Variants in SLC6A5 observed in about 807,000 individuals in gnomAD.
SLC6A5 encodes solute carrier family 6 member 5.
A neutral mutation model predicts 90.5 loss-of-function variants in SLC6A5; 58 were observed. That is an observed-to-expected ratio of 0.64 (90% CI 0.52 to 0.80). The LOEUF (loss-of-function observed/expected upper bound fraction) is 0.80, where lower values mean the gene tolerates loss of function less well. Among genes scored for constraint, SLC6A5 ranks in the 30% least tolerant of loss-of-function variants. SLC6A5 has a pLI of 0.00. For synonymous variants in SLC6A5, 427 were observed against 401.4 expected (o/e 1.06, Z -0.76); for missense variants, 1,015 against 1,017.6 (o/e 1.00, Z 0.03).
intron 3 of SLC6A5, 21 bp downstream of exon 3, chr11:20,604,445 C>T (rs1158075573): frequency 1.2e-6 from 2 of 1,611,682 alleles, no homozygotes. Flanking sequence ...TCCGCTCTTT[C>T]CGCCTGCGGC....
chr11:20,626,627 C>G, intron 7 of SLC6A5, 81 bp from the exon 8 acceptor site: 1 of 1,492,738 alleles, frequency 6.7e-7, no homozygotes, highest in South Asian at 1.1e-5. Context: ...CAGCCCCACT[C>G]TTCCCCGAGC....
chr11:20,636,526 G>C lies in SLC6A5; in HGVS notation c.1737+107G>C. ...GAGAGGGGTAGGCTTACGGGTGTCT[G>C]AATGTTTCTCCCGAGAGATCTAGAG... On this transcript the variant is annotated intron_variant, in intron 11 of 15. Coordinates refer to ENST00000525748, the MANE Select transcript of SLC6A5 (RefSeq NM_004211.5). The C allele has an allele frequency of 9.3e-6, 7 of 751,704 alleles. No homozygotes were observed. In the South Asian group the frequency reaches 1.0e-4, roughly 11 times the overall value. 46.6% of individuals were successfully genotyped at this position (751,704 alleles called of 1,614,324 possible). A position where few individuals can be genotyped will look rare whatever the true frequency, so the allele number is the denominator to read the frequency against.
intron 13 of SLC6A5, among the ~76,000 whole-genome samples, chr11:20,640,736 G>A (rs1426006934): frequency 1.3e-5 from 2 of 151,824 alleles, no homozygotes; most frequent in Admixed American, 6.6e-5. Flanking sequence ...GCACAAATCT[G>A]TAATTTATAT....
intron 1 of SLC6A5, 78 bp downstream of exon 1, chr11:20,599,753 T>C: frequency 1.9e-6 from 3 of 1,556,106 alleles, no homozygotes; most frequent in South Asian, 1.1e-5. Flanking sequence ...TGGCTATTTC[T>C]TTTGGAGATG....
chr11:20,614,577 T>C (rs1565275669), intron 5 of SLC6A5, 102 bp from the exon 6 acceptor site: 9 of 1,094,680 alleles, frequency 8.2e-6, no homozygotes, highest in Admixed American at 5.1e-5. Context: ...CTCCAATATT[T>C]GCAAATGTTT....
chr11:20,648,417 C>T (rs1391630299), intron 14 of SLC6A5, among the ~76,000 whole-genome samples: 5 of 152,132 alleles, frequency 3.3e-5, no homozygotes, highest in Admixed American at 6.5e-5. Flanking sequence ...TCTCCCTCTG[C>T]GTTGACATGA....
Position 20,636,355 on chromosome 11 carries a change from C to T in SLC6A5, c.1673C>T (p.Pro558Leu). Residue 558 changes from proline to leucine, a missense_variant, in exon 11 of 16, where the codon CCT becomes CTT. This residue lies in a region of SLC6A5 where 442 missense variants were observed against 494.3 expected (regional missense o/e 0.89). Coordinates refer to ENST00000525748, the MANE Select transcript of SLC6A5 (RefSeq NM_004211.5). ...VVYPEALTRLPLSPFWAIIFF... is the reference protein window; with the variant it reads ...VVYPEALTRLLLSPFWAIIFF... Reference sequence around the variant, plus strand: ...TACCCGGAAGCCTTAACCAGGCTGCCTCTCTCTCCGTTCTGGGCCATCATC... The same window carrying T: ...TACCCGGAAGCCTTAACCAGGCTGCTTCTCTCTCCGTTCTGGGCCATCATC... The T allele has an allele frequency of 1.2e-6, 2 of 1,613,944 alleles. No homozygotes were observed. The highest frequency in any genetic ancestry group is 1.7e-6 in the Non-Finnish European group (2 of 1,179,848).
chr11:20,604,144 G>T (rs1852529393), intron 2 of SLC6A5, 142 bp from the exon 3 acceptor site: 2 of 988,992 alleles, frequency 2.0e-6, no homozygotes, highest in South Asian at 3.3e-5. Context: ...TTTAGATTTG[G>T]GGTCCTGCTT....
rs1852435416 is a variant in SLC6A5, at chr11:20,600,335, G to GAAGAAGAAGAA, written c.3+660_3+661insAAGAAGAAGAA. Among the ~76,000 whole-genome samples the GAAGAAGAAGAA allele has an allele frequency of 1.6e-4, 14 of 87,944 alleles. 1 individual carries two copies. In the East Asian group the frequency reaches 3.0e-3, roughly 19 times the overall value. 57.7% of individuals were successfully genotyped at this position (87,944 alleles called of 152,430 possible). A position where few individuals can be genotyped will look rare whatever the true frequency, so the allele number is the denominator to read the frequency against. On this transcript the variant is annotated intron_variant, in intron 1 of 15. Transcript: ENST00000525748. ...AATAGTTACGCAAAAAAGAAGAAGAGGAAGAAGAAGAAGAAGAAGAAGAAG... is the reference window on the plus strand; with the variant it reads ...AATAGTTACGCAAAAAAGAAGAAGAGAAGAAGAAGAAGAAGAAGAAGAAGAAGAAGAAGAAG...
intron 6 of SLC6A5, among the ~76,000 whole-genome samples, chr11:20,616,922 C>T (rs1025743301): frequency 1.3e-5 from 2 of 152,202 alleles, no homozygotes; most frequent in Non-Finnish European, 2.9e-5. Flanking sequence ...TCCTTTAGAT[C>T]ACAGAAAAAC....
intron 5 of SLC6A5, among the ~76,000 whole-genome samples, chr11:20,613,324 T>C (rs917972406): frequency 2.6e-5 from 4 of 152,252 alleles, no homozygotes; most frequent in African/African-American, 7.2e-5. Context: ...TAAGTTGTTG[T>C]TGTTATTGTT....
chr11:20,614,855 A>C (rs1852756652), intron 6 of SLC6A5, 35 bp downstream of exon 6: 1 of 1,572,076 alleles, frequency 6.4e-7, no homozygotes, highest in East Asian at 2.2e-5. Context: ...TTTACCTTCT[A>C]AGAGAAACAC....
Position 20,636,356 on chromosome 11 carries a change from T to G in SLC6A5, c.1674T>G (p.Pro558=). The G allele has an allele frequency of 6.2e-7, 1 of 1,613,894 alleles. No individual in the cohort carries two copies. The highest frequency in any genetic ancestry group is 8.5e-7 in the Non-Finnish European group (1 of 1,179,770). The stretch of plus-strand genomic sequence containing the variant: ...ACCCGGAAGCCTTAACCAGGCTGCC[T>G]CTCTCTCCGTTCTGGGCCATCATCT... ...VVYPEALTRL[P]LSPFWAIIFF... Residue 558 remains proline, a synonymous_variant, in exon 11 of 16, where the codon CCT becomes CCG. Transcript: ENST00000525748.
At position 20,647,434 on chromosome 11, in the gene SLC6A5, ATTATATATATATCAGTTCCTATATATAT is replaced by A. The variant is rs1199542716; in HGVS notation, c.2070+529_2070+556del. ...TAGGAATTCCTATTATATAGTTCCT[ATTATATATATATCAGTTCCTATATATAT>A]TTATATATATATCAGTTCCTATATA... On this transcript the variant is annotated intron_variant, in intron 14 of 15. Coordinates refer to ENST00000525748, the MANE Select transcript of SLC6A5 (RefSeq NM_004211.5). 7.5e-4 allele frequency among the ~76,000 whole-genome samples: 94 copies of A among 125,222 alleles called. 1 individual carries two copies. The highest frequency in any genetic ancestry group is 2.3e-3 in the African/African-American group (73 of 31,554). The allele number at this position is 125,222 out of a possible 152,430, so 82.2% of individuals were successfully genotyped here. A position where few individuals can be genotyped will look rare whatever the true frequency, so the allele number is the denominator to read the frequency against.
intron 14 of SLC6A5, among the ~76,000 whole-genome samples, chr11:20,648,036 G>T (rs547748228): frequency 5.9e-5 from 9 of 152,254 alleles, no homozygotes; most frequent in African/African-American, 2.2e-4. Context: ...GCTATAAGCT[G>T]CCAGCTTTGC....
At chr11:20,613,652 CTTTT>C (rs3045403) in intron 5 of SLC6A5, among the ~76,000 whole-genome samples, 7,787 of 126,308 alleles carry the variant, frequency 0.062, 279 homozygotes, top group Non-Finnish European at 0.091. Context: ...CTAAATAATT[CTTTT>C]TTTTTTTTTT....
chr11:20,616,047 T>C (rs1852778140), intron 6 of SLC6A5, among the ~76,000 whole-genome samples: 1 of 152,196 alleles, frequency 6.6e-6, no homozygotes, highest in East Asian at 1.9e-4. Context: ...GGGGATCAAA[T>C]AAAATGCATA....
Position 20,607,034 on chromosome 11 carries a change from T to C in SLC6A5, c.707T>C (p.Met236Thr), listed in dbSNP as rs1239763622. Residue 236 changes from methionine to threonine, a missense_variant, in exon 4 of 16, where the codon ATG (methionine) becomes ACG (threonine). This residue lies in a region of SLC6A5 where 567 missense variants were observed against 507.3 expected (regional missense o/e 1.12). Transcript: ENST00000525748. ...GCTTTCCTCATCCCTTACCTGATGA[T>C]GCTGGCTCTGGCTGGATTACCCATC... ...GGAFLIPYLM[M>T]LALAGLPIFF... is the part of the protein sequence containing the mutation. 1.2e-6 allele frequency: 2 copies of C among 1,614,010 alleles called. No homozygotes were observed. Among genetic ancestry groups the C allele is most frequent in the African/African-American group, 2.7e-5 (2 of 74,910 alleles).
intron 7 of SLC6A5, among the ~76,000 whole-genome samples, chr11:20,624,698 G>A (rs545389375): frequency 4.7e-4 from 72 of 152,256 alleles, no homozygotes; most frequent in African/African-American, 1.3e-3. Context: ...ACCAATAGCC[G>A]TCACCCCATG....
Sources: allele counts gnomAD v4.1 joint callset (sites outside exome capture counted in the v4.1 genomes callset), GRCh38; gene constraint gnomAD v4.1.1; regional missense constraint gnomAD v4.1.1; transcripts MANE v1.5; gene names NCBI Gene and HGNC (gene_info 2026-07-23, HGNC 2026-07-21).